CDC73: variants seen among roughly 807,000 people sequenced by gnomAD.
CDC73 encodes the protein parafibromin.
A neutral mutation model predicts 83.7 loss-of-function variants in CDC73; 21 were observed. The observed-to-expected ratio is 0.25, with a 90% confidence interval of 0.18 to 0.36. The LOEUF (loss-of-function observed/expected upper bound fraction) is 0.36. Among genes scored for constraint, CDC73 ranks in the 10% least tolerant of loss-of-function variants. CDC73 has a pLI of 1.00. For missense variants in CDC73, 342 were observed against 653.3 expected (o/e 0.52, Z 5.19); for synonymous variants, 224 against 212.9 (o/e 1.05, Z -0.45).
intron 10 of CDC73, among the ~76,000 whole-genome samples, chr1:193,192,854 A>G (rs985177325): frequency 2.6e-5 from 4 of 152,212 alleles, no homozygotes; most frequent in African/African-American, 7.2e-5. Context: ...GAGCAGTCCT[A>G]TGAATGATCA....
intron 10 of CDC73, among the ~76,000 whole-genome samples, chr1:193,189,605 G>A (rs765378524): frequency 3.6e-4 from 55 of 152,132 alleles, no homozygotes; most frequent in African/African-American, 2.4e-5. Context: ...ATCCGTGATG[G>A]CAAAATAGGT....
chr1:193,143,314 A>G (rs1049465836), intron 7 of CDC73, among the ~76,000 whole-genome samples: 34 of 152,214 alleles, frequency 2.2e-4, no homozygotes, highest in African/African-American at 8.0e-4. Flanking sequence ...TTCACTGTCT[A>G]GCATGGCTAA....
intron 3 of CDC73, 113 bp from the exon 4 acceptor site, chr1:193,135,278 A>T: frequency 1.2e-6 from 1 of 839,886 alleles, no homozygotes; most frequent in Non-Finnish European, 2.0e-6. Flanking sequence ...TTTTTTACCT[A>T]GAGAAAATCA....
intron 10 of CDC73, chr1:193,181,750 G>T: frequency 1.9e-6 from 1 of 523,604 alleles, no homozygotes; most frequent in Non-Finnish European, 3.3e-6. Flanking sequence ...ATATGATCAG[G>T]GCAAATAGGA....
chr1:193,162,333 C>CTATCTATTATATATACA (rs1213848961), intron 10 of CDC73, among the ~76,000 whole-genome samples: 1 of 126,698 alleles, frequency 7.9e-6, no homozygotes, highest in Non-Finnish European at 1.6e-5. Context: ...ATACTATATA[C>CTATCTATTATATATACA]TATATATTAT....
At chr1:193,247,008 G>A (rs1677965658) in intron 15 of CDC73, among the ~76,000 whole-genome samples, 1 of 152,106 alleles carries the variant, frequency 6.6e-6, no homozygotes, top group Non-Finnish European at 1.5e-5. Context: ...TAGATCTTAG[G>A]TTAGACATCA....
At chr1:193,181,863 T>C (rs1226474503) in intron 10 of CDC73, among the ~76,000 whole-genome samples, 2 of 152,190 alleles carry the variant, frequency 1.3e-5, no homozygotes, top group Admixed American at 1.3e-4. Flanking sequence ...TTTAAAAATA[T>C]ACCTTTGTAG....
chr1:193,150,934 TTTATA>T (rs1295374867), intron 9 of CDC73, among the ~76,000 whole-genome samples: 1 of 152,238 alleles, frequency 6.6e-6, no homozygotes, highest in African/African-American at 2.4e-5. Context: ...TGCTTTTGTT[TTTATA>T]TAATTTAAAG....
rs373998829 is a variant in CDC73, at chr1:193,162,451, C to T, written c.972+10007C>T. Among the ~76,000 whole-genome samples the T allele has an allele frequency of 2.7e-5, 4 of 149,764 alleles. No individual in the cohort carries two copies. In the East Asian group the frequency reaches 5.8e-4, roughly 22 times the overall value. On this transcript the variant is annotated intron_variant, in intron 10 of 16. Coordinates refer to ENST00000367435, the MANE Select transcript of CDC73 (RefSeq NM_024529.5). ...GCAGTGGCATGATCTCAGCTCACTG[C>T]AGCCTCTGCCTCCCAGGTTCAAGCA...
At chr1:193,181,266 A>T (rs1219927634) in intron 10 of CDC73, 4 of 1,613,860 alleles carry the variant, frequency 2.5e-6, no homozygotes, top group Non-Finnish European at 3.4e-6. Context: ...CTGTGTTATT[A>T]GAGTTAGTTG....
chr1:193,242,955 C>CTTCT (rs1677887902), intron 15 of CDC73, among the ~76,000 whole-genome samples: 3 of 142,200 alleles, frequency 2.1e-5, no homozygotes, highest in African/African-American at 7.7e-5. Context: ...TCTTCTTCTT[C>CTTCT]TTTTTTTTTT....
intron 13 of CDC73, among the ~76,000 whole-genome samples, chr1:193,231,038 CAT>C (rs1156731491): frequency 1.3e-5 from 2 of 152,120 alleles, no homozygotes; most frequent in East Asian, 1.9e-4. Context: ...TTTTATAAAA[CAT>C]ATCAACCAAT....
At chr1:193,198,418 C>T (rs1208530936) in intron 10 of CDC73, among the ~76,000 whole-genome samples, 1 of 152,090 alleles carries the variant, frequency 6.6e-6, no homozygotes, top group East Asian at 1.9e-4. Flanking sequence ...TCTTTTTTGC[C>T]CTTCCACCTT....
At chr1:193,153,779 C>T (rs1676160874) in intron 10 of CDC73, among the ~76,000 whole-genome samples, 1 of 152,114 alleles carries the variant, frequency 6.6e-6, no homozygotes, top group Admixed American at 6.6e-5. Context: ...GCATTTGTGT[C>T]AGATCCTGTT....
chr1:193,147,491 C>T (rs1676022363), intron 7 of CDC73, among the ~76,000 whole-genome samples: 1 of 151,794 alleles, frequency 6.6e-6, no homozygotes, highest in Non-Finnish European at 1.5e-5. Flanking sequence ...CCTCAGCCTC[C>T]CGAGTAGCTG....
chr1:193,180,990 C>T, intron 10 of CDC73: 1 of 1,613,384 alleles, frequency 6.2e-7, no homozygotes, highest in Non-Finnish European at 8.5e-7. Context: ...TACTTAAGCC[C>T]AACAAAAATA....
chr1:193,180,745 G>A, intron 10 of CDC73: 1 of 1,613,988 alleles, frequency 6.2e-7, no homozygotes, highest in Non-Finnish European at 8.5e-7. Flanking sequence ...GTTATGTCTG[G>A]GAGGCAGATC....
chr1:193,240,596 T>C (rs1046058840), intron 15 of CDC73, among the ~76,000 whole-genome samples: 1 of 152,242 alleles, frequency 6.6e-6, no homozygotes, highest in African/African-American at 2.4e-5. Flanking sequence ...TGCACTTCCC[T>C]GATGGTTAGT....
At chr1:193,123,449 A>G (rs1572140944) in intron 1 of CDC73, among the ~76,000 whole-genome samples, 1 of 152,034 alleles carries the variant, frequency 6.6e-6, no homozygotes, top group Non-Finnish European at 1.5e-5. Flanking sequence ...CTGGTCTCGA[A>G]CTCCTGACCT....
Sources: gnomAD v4.1 joint callset for allele counts (sites outside exome capture counted in the v4.1 genomes callset) on GRCh38, gnomAD v4.1.1 for gene constraint, MANE v1.5 for transcripts, NCBI Gene and HGNC (gene_info 2026-07-23, HGNC 2026-07-21) for gene names.